Variants in SUPT6H observed in about 807,000 individuals in gnomAD.
The protein encoded by SUPT6H is SPT6 homolog, histone chaperone and transcription elongation factor.
A neutral mutation model predicts 222.3 loss-of-function variants in SUPT6H; 11 were observed. The observed-to-expected ratio is 0.05, with a 90% confidence interval of 0.03 to 0.08. The LOEUF is 0.08. Ranked by LOEUF, SUPT6H falls within the 10% of genes least tolerant of loss-of-function variation. SUPT6H has a pLI of 1.00. For synonymous variants in SUPT6H, 762 were observed against 801.2 expected (o/e 0.95, Z 0.83); for missense variants, 1,422 against 2,216.0 (o/e 0.64, Z 7.19).
chr17:28,669,805 G>A (rs867123982), intron 1 of SUPT6H, among the ~76,000 whole-genome samples: 4 of 152,128 alleles, frequency 2.6e-5, no homozygotes, highest in South Asian at 4.1e-4. Flanking sequence ...ACGTGGTGGC[G>A]AGCGCCTGTA....
At chr17:28,678,697 A>G (rs2030905247) in intron 10 of SUPT6H, 63 bp downstream of exon 10, 1 of 1,610,972 alleles carries the variant, frequency 6.2e-7, no homozygotes, top group Non-Finnish European at 8.5e-7. Context: ...CTACCAGGAT[A>G]CCACAAACCC....
At chr17:28,697,593 C>T (rs764472256) in intron 30 of SUPT6H, 27 bp from the exon 31 acceptor site, 2 of 1,577,568 alleles carry the variant, frequency 1.3e-6, no homozygotes, top group South Asian at 2.2e-5. Context: ...GGATATGACA[C>T]ATGGGGCCTT....
At chr17:28,665,414 G>T (rs1468294033) in intron 1 of SUPT6H, among the ~76,000 whole-genome samples, 1 of 152,138 alleles carries the variant, frequency 6.6e-6, no homozygotes, top group Non-Finnish European at 1.5e-5. Flanking sequence ...GGCATCCTAG[G>T]GGCATGGACC....
At chr17:28,687,628 C>T (rs1182189443) in intron 23 of SUPT6H, among the ~76,000 whole-genome samples, 157 bp downstream of exon 23, 1 of 152,208 alleles carries the variant, frequency 6.6e-6, no homozygotes, top group Non-Finnish European at 1.5e-5. Flanking sequence ...TGACTTCAGA[C>T]CCAGTTGGCC....
chr17:28,667,405 G>GTGTATATA lies in SUPT6H; in HGVS notation c.-32+5064_-32+5065insGTATATAT, dbSNP rs1465539733. 1.0e-3 allele frequency among the ~76,000 whole-genome samples: 51 copies of GTGTATATA among 49,300 alleles called. 1 individual carries two copies. The highest frequency in any genetic ancestry group is 0.025 in the Middle Eastern group (1 of 40). 32.3% of individuals were successfully genotyped at this position (49,300 alleles called of 152,430 possible). On this transcript the variant is annotated intron_variant, in intron 1 of 36. Transcript: ENST00000314616. ...AAAAAAAAAAAAAAAGTGTGTGTGTGTATATATATATATATATATATATAT... is the reference window on the plus strand; with the variant it reads ...AAAAAAAAAAAAAAAGTGTGTGTGTGTGTATATATATATATATATATATATATATATAT...
chr17:28,662,623 A>G (rs1567680663), intron 1 of SUPT6H, among the ~76,000 whole-genome samples: 1 of 152,088 alleles, frequency 6.6e-6, no homozygotes, highest in Non-Finnish European at 1.5e-5. Context: ...GCAGGTTTTT[A>G]AAACTGGGCC....
At position 28,693,793 on chromosome 17, in the gene SUPT6H, T is replaced by C. The variant is rs772122453; in HGVS notation, c.3731T>C (p.Phe1244Ser). 1 of 1,614,010 alleles carries C rather than the reference T, an allele frequency of 6.2e-7. No individual in the cohort carries two copies. The highest frequency in any genetic ancestry group is 1.3e-5 in the African/African-American group (1 of 74,910). The stretch of plus-strand genomic sequence containing the variant: ...GTCACCGGCTTCATCCCCACCAAAT[T>C]CCTCAGTGACAAAGTGGTAAAGCGG... ...NGVTGFIPTK[F>S]LSDKVVKRPE... is the part of the protein sequence containing the mutation. Residue 1244 changes from phenylalanine (F) to serine (S), a missense_variant, in exon 28 of 37, where the codon TTC becomes TCC. This residue lies in a region of SUPT6H where 39 missense variants were observed against 124.2 expected (regional missense o/e 0.31). Transcript: ENST00000314616.
rs370938496 is a variant in SUPT6H at position 28,675,107 on chromosome 17, C to T, written c.483C>T (p.Ala161=). The change falls in exon 5 of 37, where the codon GCC becomes GCT. Residue 161 remains alanine, a synonymous_variant. Transcript: ENST00000314616. The part of the protein sequence containing the change: ...QDGEGEEGQE[A]MEAPMAPPEE... ...GGGAAGGGGAAGAAGGGCAGGAGGC[C>T]ATGGAGGCCCCCATGGCTCCTCCAG... The T allele has an allele frequency of 1.9e-5, 30 of 1,613,712 alleles. No individual in the cohort carries two copies. The highest frequency in any genetic ancestry group is 2.5e-5 in the Non-Finnish European group (29 of 1,179,938).
At chr17:28,693,063 G>A (rs572936651) in intron 27 of SUPT6H, among the ~76,000 whole-genome samples, 106 of 151,542 alleles carry the variant, frequency 7.0e-4, no homozygotes, top group Non-Finnish European at 1.1e-3. Flanking sequence ...CCAGCTACTC[G>A]AGAGGCCAAG....
chr17:28,685,826 A>T (rs1239349729), intron 19 of SUPT6H, among the ~76,000 whole-genome samples: 1 of 152,186 alleles, frequency 6.6e-6, no homozygotes, highest in Non-Finnish European at 1.5e-5. Context: ...AATAGTCCTA[A>T]CTACTCACAT....
chr17:28,698,955 G>T (rs1390264278), intron 32 of SUPT6H, among the ~76,000 whole-genome samples: 5 of 152,196 alleles, frequency 3.3e-5, no homozygotes, highest in Admixed American at 2.0e-4. Context: ...TGGCGGGGGT[G>T]GGGGCTCTAA....
intron 1 of SUPT6H, among the ~76,000 whole-genome samples, chr17:28,668,367 C>G (rs2030215273): frequency 6.6e-6 from 1 of 152,192 alleles, no homozygotes; most frequent in Non-Finnish European, 1.5e-5. Flanking sequence ...TCCCGCTTGT[C>G]AGTCTCAGAC....
chr17:28,701,945 T>C lies in SUPT6H; in HGVS notation c.*320T>C. 3.4e-6 allele frequency: 1 copy of C among 290,850 alleles called. No individual in the cohort carries two copies. Among genetic ancestry groups the C allele is most frequent in the East Asian group, 6.4e-5 (1 of 15,580 alleles). 18.0% of individuals were successfully genotyped at this position (290,850 alleles called of 1,614,324 possible). ...TTGTATTCTACTCCCTACAAGCCAT[T>C]TTGAACTTCTGCCCTCACCGGACTC... On this transcript the variant is annotated 3_prime_UTR_variant, in exon 37 of 37. Coordinates refer to ENST00000314616, the MANE Select transcript of SUPT6H (RefSeq NM_003170.5).
chr17:28,700,540 G>T, intron 35 of SUPT6H, 28 bp downstream of exon 35: 1 of 1,606,268 alleles, frequency 6.2e-7, no homozygotes. Context: ...GAAGCTCCCT[G>T]TGCAGGGTGG....
At position 28,675,382 on chromosome 17, in the gene SUPT6H, C is replaced by G. The variant is rs978582240; in HGVS notation, c.539-19C>G. Reference sequence around the variant, plus strand: ...TCAGCCCCTGACTCTGAGCCCCAACCCATCCTTTTCCTACCCAGATATTGA... The same window carrying G: ...TCAGCCCCTGACTCTGAGCCCCAACGCATCCTTTTCCTACCCAGATATTGA... On this transcript the variant is annotated intron_variant, in intron 5 of 36. Coordinates refer to ENST00000314616, the MANE Select transcript of SUPT6H (RefSeq NM_003170.5). The G allele has an allele frequency of 4.3e-6, 7 of 1,613,488 alleles. No individual in the cohort carries two copies. Among genetic ancestry groups the G allele is most frequent in the Middle Eastern group, 1.6e-4 (1 of 6,080 alleles).
chr17:28,689,008 C>A, intron 24 of SUPT6H: 1 of 188,468 alleles, frequency 5.3e-6, no homozygotes, highest in Admixed American at 5.7e-5. Context: ...AGTGGAAGTC[C>A]CCCATAATCC....
intron 28 of SUPT6H, 32 bp downstream of exon 28, chr17:28,693,868 C>T (rs2031786363): frequency 7.4e-6 from 12 of 1,613,724 alleles, no homozygotes; most frequent in Non-Finnish European, 1.0e-5. Flanking sequence ...GGTCGTAGTG[C>T]AATTTTCAGC....
chr17:28,700,680 A>G, intron 35 of SUPT6H, 168 bp downstream of exon 35: 1 of 1,046,680 alleles, frequency 9.6e-7, no homozygotes, highest in Non-Finnish European at 1.4e-6. Flanking sequence ...GAAGAGGGTA[A>G]GAGAGGGCAT....
At chr17:28,668,555 A>G (rs1169807750) in intron 1 of SUPT6H, among the ~76,000 whole-genome samples, 1 of 152,228 alleles carries the variant, frequency 6.6e-6, no homozygotes, top group Admixed American at 6.5e-5. Context: ...AAGAGAACAC[A>G]GCTATCTTTC....
Sources: gnomAD v4.1 joint callset for allele counts (sites outside exome capture counted in the v4.1 genomes callset) on GRCh38, gnomAD v4.1.1 for gene constraint, gnomAD v4.1.1 regional missense constraint, MANE v1.5 for transcripts, NCBI Gene and HGNC (gene_info 2026-07-23, HGNC 2026-07-21) for gene names.